Variants in AGBL1 observed in about 807,000 individuals in gnomAD.
The protein encoded by AGBL1 is cytosolic carboxypeptidase 4.
AGBL1 carries 130 observed loss-of-function variants against 118.9 expected under a neutral mutation model. That is an observed-to-expected ratio of 1.09 (90% CI 0.95 to 1.26). AGBL1 has a LOEUF of 1.26. Among genes scored for constraint, AGBL1 ranks in the 50% most tolerant of loss-of-function variants. The probability of loss-of-function intolerance (pLI) is 0.00; values close to 1 mark genes in which losing one functional copy is unlikely to be tolerated. For missense variants in AGBL1, 1,584 were observed against 1,298.1 expected (o/e 1.22, Z -3.38); for synonymous variants, 555 against 478.9 (o/e 1.16, Z -2.08).
chr15:86,211,676 A>G (rs2078101078), intron 5 of AGBL1, among the ~76,000 whole-genome samples: 1 of 152,136 alleles, frequency 6.6e-6, no homozygotes. Flanking sequence ...CTGGTGTGCC[A>G]TTTGCTAAGA....
At chr15:86,110,634 T>C (rs539622445) in intron 1 of AGBL1, among the ~76,000 whole-genome samples, 98 of 152,268 alleles carry the variant, frequency 6.4e-4, no homozygotes, top group African/African-American at 2.2e-3. Flanking sequence ...TCTAGTAGAA[T>C]TGGGCCACCA....
intron 22 of AGBL1, among the ~76,000 whole-genome samples, chr15:86,835,488 T>G (rs1188706655): frequency 6.6e-6 from 1 of 152,104 alleles, no homozygotes; most frequent in African/African-American, 2.4e-5. Context: ...CATAGACCAG[T>G]GTAGGGACAC....
At chr15:86,355,522 G>A (rs1366563354) in intron 17 of AGBL1, among the ~76,000 whole-genome samples, 1 of 152,140 alleles carries the variant, frequency 6.6e-6, no homozygotes, top group Non-Finnish European at 1.5e-5. Flanking sequence ...CCTATATTTT[G>A]TCAGAAATTC....
At chr15:86,451,363 C>G (rs2082190251) in intron 18 of AGBL1, among the ~76,000 whole-genome samples, 1 of 152,160 alleles carries the variant, frequency 6.6e-6, no homozygotes, top group Non-Finnish European at 1.5e-5. Flanking sequence ...AGACCTTGTT[C>G]TTTGCATTCT....
intron 22 of AGBL1, among the ~76,000 whole-genome samples, chr15:86,822,717 C>G (rs978807397): frequency 6.6e-6 from 1 of 152,088 alleles, no homozygotes. Context: ...CTAACAGGGA[C>G]TTACAACAGA....
At chr15:86,731,235 A>G (rs956160646) in intron 22 of AGBL1, among the ~76,000 whole-genome samples, 1 of 152,118 alleles carries the variant, frequency 6.6e-6, no homozygotes, top group Non-Finnish European at 1.5e-5. Context: ...GGTTCAGTTG[A>G]TTTTTTGTTT....
intron 24 of AGBL1, among the ~76,000 whole-genome samples, chr15:87,001,715 T>G (rs2081439619): frequency 6.6e-6 from 1 of 152,114 alleles, no homozygotes; most frequent in Non-Finnish European, 1.5e-5. Context: ...TTGATTTGCA[T>G]TTCTCTGATG....
At chr15:86,143,916 G>C in intron 3 of AGBL1, 71 bp downstream of exon 3, 1 of 1,545,170 alleles carries the variant, frequency 6.5e-7, no homozygotes, top group Non-Finnish European at 8.8e-7. Flanking sequence ...GTGCAATTTG[G>C]GAAGCTTTGG....
chr15:86,205,311 TTCCATTGTCAGGA>T (rs2077974259), intron 5 of AGBL1, among the ~76,000 whole-genome samples: 1 of 152,220 alleles, frequency 6.6e-6, no homozygotes, highest in Non-Finnish European at 1.5e-5. Flanking sequence ...GTGAATAACA[TTCCATTGTCAGGA>T]TGTAGCAAAG....
At chr15:86,147,378 A>T (rs1567085349) in intron 3 of AGBL1, among the ~76,000 whole-genome samples, 1 of 152,224 alleles carries the variant, frequency 6.6e-6, no homozygotes, top group Non-Finnish European at 1.5e-5. Context: ...GCCCTGACAG[A>T]CTACCTGGAA....
intron 17 of AGBL1, among the ~76,000 whole-genome samples, chr15:86,308,829 T>C (rs1026924955): frequency 6.6e-6 from 1 of 152,200 alleles, no homozygotes; most frequent in Non-Finnish European, 1.5e-5. Flanking sequence ...TACAGCTTTG[T>C]AGTATATTTT....
At chr15:86,437,642 C>G (rs8023402) in intron 18 of AGBL1, among the ~76,000 whole-genome samples, 6,266 of 152,248 alleles carry the variant, frequency 0.041, 446 homozygotes, top group African/African-American at 0.14. Flanking sequence ...AGGCCTCTTA[C>G]AAGAACATCA....
chr15:86,994,016 C>T (rs1381533138), intron 24 of AGBL1, among the ~76,000 whole-genome samples: 3 of 152,060 alleles, frequency 2.0e-5, no homozygotes, highest in South Asian at 4.2e-4. Context: ...GACGTCACAA[C>T]GCTTCATTCA....
At chr15:86,603,517 T>G (rs773318241) in intron 21 of AGBL1, among the ~76,000 whole-genome samples, 1 of 152,036 alleles carries the variant, frequency 6.6e-6, no homozygotes, top group African/African-American at 2.4e-5. Flanking sequence ...GCCCCCTATT[T>G]TCTAATATCC....
chr15:86,330,914 T>TAAAGA (rs1281921049), intron 17 of AGBL1, among the ~76,000 whole-genome samples: 4 of 151,646 alleles, frequency 2.6e-5, no homozygotes, highest in African/African-American at 9.7e-5. Context: ...CAGACAAAAA[T>TAAAGA]AAAGAAAAAA....
At chr15:86,353,824 A>G (rs1341563366) in intron 17 of AGBL1, among the ~76,000 whole-genome samples, 1 of 152,162 alleles carries the variant, frequency 6.6e-6, no homozygotes, top group East Asian at 1.9e-4. Flanking sequence ...ATCTCAAAAA[A>G]CACCCGAGAG....
chr15:86,277,310 G>GCA (rs1567173318), intron 15 of AGBL1, among the ~76,000 whole-genome samples: 8 of 107,804 alleles, frequency 7.4e-5, no homozygotes, highest in African/African-American at 3.9e-4. Context: ...GTGCATGTGT[G>GCA]TGTGTGTATG....
intron 22 of AGBL1, among the ~76,000 whole-genome samples, chr15:86,786,333 T>G (rs1275915265): frequency 1.3e-5 from 2 of 152,056 alleles, no homozygotes; most frequent in Admixed American, 1.3e-4. Flanking sequence ...GTCAAAGCCT[T>G]GGCTCTGAAA....
chr15:86,895,651 T>G (rs1233655099), intron 22 of AGBL1, among the ~76,000 whole-genome samples: 2 of 152,058 alleles, frequency 1.3e-5, no homozygotes, highest in South Asian at 2.1e-4. Flanking sequence ...TATTTGTTTG[T>G]TTTTGCTTTT....
Sources: allele counts gnomAD v4.1 joint callset (sites outside exome capture counted in the v4.1 genomes callset), GRCh38; gene constraint gnomAD v4.1.1; transcripts MANE v1.5; gene names NCBI Gene and HGNC (gene_info 2026-07-23, HGNC 2026-07-21).